The following NPAS3 variants were observed in gnomAD, a reference collection of about 807,000 sequenced individuals.
NPAS3 encodes neuronal PAS domain protein 3.
A neutral mutation model predicts 73.1 loss-of-function variants in NPAS3; 14 were observed. That is an observed-to-expected ratio of 0.19 (90% CI 0.13 to 0.30). NPAS3 has a LOEUF of 0.30. NPAS3 is among the 10% of genes least tolerant of loss of function. NPAS3 has a pLI of 1.00. For synonymous variants in NPAS3, 620 were observed against 541.5 expected (o/e 1.14, Z -2.01); for missense variants, 1,096 against 1,250.0 (o/e 0.88, Z 1.86).
At chr14:33,536,546 T>G (rs1215335808) in intron 4 of NPAS3, among the ~76,000 whole-genome samples, 1 of 152,194 alleles carries the variant, frequency 6.6e-6, no homozygotes, top group East Asian at 1.9e-4. Flanking sequence ...ATGCATGGGC[T>G]TTAGCTATGC....
intron 5 of NPAS3, among the ~76,000 whole-genome samples, chr14:33,659,253 T>C (rs748579372): frequency 6.6e-6 from 1 of 152,224 alleles, no homozygotes; most frequent in Non-Finnish European, 1.5e-5. Context: ...GGAAGGTAGA[T>C]GCCATTATTA....
At chr14:33,444,712 CT>C (rs1165699665) in intron 4 of NPAS3, among the ~76,000 whole-genome samples, 1 of 152,140 alleles carries the variant, frequency 6.6e-6, no homozygotes, top group Non-Finnish European at 1.5e-5. Context: ...GATTTTTATG[CT>C]TTATATATTT....
rs1047607550 is a variant in NPAS3 at position 33,758,826 on chromosome 14, T to C, written c.853-15511T>C. On this transcript the variant is annotated intron_variant, in intron 7 of 11. Coordinates refer to ENST00000356141, the Ensembl canonical transcript of NPAS3. Reference sequence around the variant, plus strand: ...GATGTCAAGGGACACTACCATCTAATTTCCTTGTTGATTAATTTGAAGGTA... The same window carrying C: ...GATGTCAAGGGACACTACCATCTAACTTCCTTGTTGATTAATTTGAAGGTA... 9.9e-5 allele frequency among the ~76,000 whole-genome samples: 15 copies of C among 152,250 alleles called. 1 individual carries two copies. The highest frequency in any genetic ancestry group is 5.9e-5 in the Non-Finnish European group (4 of 68,034).
exon 8 of NPAS3, chr14:33,774,510 T>C (rs769243199): frequency 5.0e-6 from 8 of 1,613,768 alleles, no homozygotes; most frequent in Non-Finnish European, 6.8e-6. Flanking sequence ...TGGACCTCAA[T>C]ATCATTTACT....
intron 3 of NPAS3, among the ~76,000 whole-genome samples, chr14:33,345,794 T>C (rs968097719): frequency 1.3e-5 from 2 of 152,238 alleles, no homozygotes; most frequent in Non-Finnish European, 2.9e-5. Context: ...GTTTTTCGCA[T>C]ATCAGCTAAG....
chr14:33,790,419 TAA>T (rs963374015), intron 9 of NPAS3, among the ~76,000 whole-genome samples: 8 of 152,220 alleles, frequency 5.3e-5, no homozygotes, highest in African/African-American at 1.7e-4. Context: ...TATTACACAC[TAA>T]AAATCCTTTC....
intron 2 of NPAS3, among the ~76,000 whole-genome samples, chr14:33,085,510 C>G (rs1426692138): frequency 6.6e-6 from 1 of 152,160 alleles, no homozygotes; most frequent in Non-Finnish European, 1.5e-5. Flanking sequence ...TGGGAAAAAT[C>G]TATTCTCTCT....
chr14:33,651,913 T>A (rs1490214001), intron 5 of NPAS3, among the ~76,000 whole-genome samples: 1 of 152,154 alleles, frequency 6.6e-6, no homozygotes, highest in African/African-American at 2.4e-5. Context: ...TAACAACATG[T>A]TAAAGTTTAA....
intron 1 of NPAS3, among the ~76,000 whole-genome samples, chr14:32,983,580 C>A (rs1171707856): frequency 4.6e-5 from 7 of 151,862 alleles, no homozygotes; most frequent in African/African-American, 1.2e-4. Context: ...AAAGTTTTTG[C>A]CAAACAGTAT....
rs1471526546 is a variant in NPAS3 at position 33,784,745 on chromosome 14, A to ATTTATTTATTTT, written c.1153+6176_1153+6177insATTTATTTTTTT. On this transcript the variant is annotated intron_variant, in intron 9 of 11. Transcript: ENST00000356141. ...TTTTTATTTATTTATTTATTTATTT[A>ATTTATTTATTTT]TTTTTTTTTTTTTTTTTTTTTTGAG... Among the ~76,000 whole-genome samples, 255 of 73,690 alleles carry ATTTATTTATTTT rather than the reference A, an allele frequency of 3.5e-3. 9 individuals carry two copies. The highest frequency in any genetic ancestry group is 0.015 in the African/African-American group (235 of 15,868). The allele number at this position is 73,690 out of a possible 152,430, so 48.3% of individuals were successfully genotyped here. A position where few individuals can be genotyped will look rare whatever the true frequency, so the allele number is the denominator to read the frequency against.
chr14:33,378,648 TAAAATA>T (rs2046409012), intron 4 of NPAS3, among the ~76,000 whole-genome samples: 1 of 151,868 alleles, frequency 6.6e-6, no homozygotes, highest in Non-Finnish European at 1.5e-5. Context: ...AAAAAATAAA[TAAAATA>T]AAAAATAAAT....
chr14:33,566,429 C>G (rs1009169560), intron 5 of NPAS3, among the ~76,000 whole-genome samples: 1 of 152,154 alleles, frequency 6.6e-6, no homozygotes, highest in African/African-American at 2.4e-5. Context: ...AGATATTGAA[C>G]TGCTCGTTCT....
chr14:32,962,951 G>A (rs984199518), intron 1 of NPAS3, among the ~76,000 whole-genome samples: 9 of 150,982 alleles, frequency 6.0e-5, no homozygotes, highest in Non-Finnish European at 1.0e-4. Context: ...CTGGGTTCAA[G>A]TGATCCTTTT....
chr14:33,272,925 G>A (rs918909930), intron 3 of NPAS3, among the ~76,000 whole-genome samples: 2 of 152,178 alleles, frequency 1.3e-5, no homozygotes, highest in Non-Finnish European at 2.9e-5. Context: ...CAGCTAAACT[G>A]TTGTCTTGAC....
At chr14:33,523,157 C>A (rs896374590) in intron 4 of NPAS3, among the ~76,000 whole-genome samples, 2 of 152,010 alleles carry the variant, frequency 1.3e-5, no homozygotes, top group African/African-American at 4.8e-5. Flanking sequence ...TTAAGGCAAA[C>A]TAAAGTACAT....
intron 2 of NPAS3, among the ~76,000 whole-genome samples, chr14:33,149,424 A>ACTAT (rs1179955591): frequency 6.6e-6 from 1 of 152,194 alleles, no homozygotes; most frequent in African/African-American, 2.4e-5. Context: ...CCTTCTCATG[A>ACTAT]CTATCTTCTT....
At chr14:33,028,985 C>A (rs560803625) in intron 1 of NPAS3, among the ~76,000 whole-genome samples, 6 of 152,030 alleles carry the variant, frequency 3.9e-5, no homozygotes, top group African/African-American at 1.2e-4. Flanking sequence ...CCTTCCCCCC[C>A]GCCCCTGATG....
At chr14:33,714,498 A>G (rs1053799162) in intron 6 of NPAS3, among the ~76,000 whole-genome samples, 1 of 152,136 alleles carries the variant, frequency 6.6e-6, no homozygotes, top group Admixed American at 6.6e-5. Context: ...CTTTCCCTGA[A>G]GATCGTAGCT....
chr14:33,700,935 G>A (rs189827810), intron 6 of NPAS3, among the ~76,000 whole-genome samples: 1 of 152,200 alleles, frequency 6.6e-6, no homozygotes, highest in African/African-American at 2.4e-5. Flanking sequence ...GCACCATGTA[G>A]GTTCTGGAGG....
Sources: allele counts gnomAD v4.1 joint callset (sites outside exome capture counted in the v4.1 genomes callset), GRCh38; gene constraint gnomAD v4.1.1; transcripts MANE v1.5; gene names NCBI Gene and HGNC (gene_info 2026-07-23, HGNC 2026-07-21).